FGF14: variants seen among roughly 807,000 people sequenced by gnomAD.
The protein encoded by FGF14 is fibroblast growth factor 14.
FGF14 carries 5 observed loss-of-function variants against 25.5 expected under a neutral mutation model. The ratio of observed to expected loss-of-function variants is 0.20; its 90% CI spans 0.10 to 0.41. The LOEUF is 0.41. FGF14 is among the 10% of genes least tolerant of loss of function. The probability of loss-of-function intolerance (pLI) is 1.00; values close to 1 mark genes in which losing one functional copy is unlikely to be tolerated. For synonymous variants in FGF14, 138 were observed against 118.3 expected, an observed-to-expected ratio of 1.17 and a Z score of -1.08; for missense variants, 222 against 320.1, an observed-to-expected ratio of 0.69 and a Z score of 2.34.
intron 1 of FGF14, among the ~76,000 whole-genome samples, chr13:102,037,235 T>A (rs2041520359): frequency 6.6e-6 from 1 of 152,148 alleles, no homozygotes; most frequent in Non-Finnish European, 1.5e-5. Flanking sequence ...TTAGTGGTTT[T>A]AATCTACAGA....
chr13:102,085,841 A>C (rs1188865197), intron 1 of FGF14, among the ~76,000 whole-genome samples: 1 of 152,196 alleles, frequency 6.6e-6, no homozygotes, highest in Non-Finnish European at 1.5e-5. Flanking sequence ...TCAAGCAAAA[A>C]TCACTCTACC....
chr13:101,820,626 A>T (rs983034189), intron 3 of FGF14, among the ~76,000 whole-genome samples: 2 of 88,824 alleles, frequency 2.3e-5, no homozygotes, highest in African/African-American at 6.1e-5. Context: ...ATGGCTATGC[A>T]AGGGGAATTG....
intron 1 of FGF14, among the ~76,000 whole-genome samples, chr13:102,052,512 G>A (rs9554836): frequency 0.36 from 53,196 of 146,284 alleles, 10,246 homozygotes; most frequent in East Asian, 0.72. Flanking sequence ...CAAAGACAGA[G>A]AGGATACTAA....
intron 1 of FGF14, among the ~76,000 whole-genome samples, chr13:102,245,890 T>C (rs566007454): frequency 1.3e-5 from 2 of 152,242 alleles, no homozygotes; most frequent in Admixed American, 6.5e-5. Flanking sequence ...TTTTAAAGTA[T>C]AGTAAGAAAA....
chr13:102,082,109 T>G (rs2043649143), intron 1 of FGF14, among the ~76,000 whole-genome samples: 1 of 152,064 alleles, frequency 6.6e-6, no homozygotes, highest in South Asian at 2.1e-4. Flanking sequence ...AAGAAATTCA[T>G]GATGCAATTT....
chr13:102,082,605 T>C (rs1329680065), intron 1 of FGF14, among the ~76,000 whole-genome samples: 1 of 152,168 alleles, frequency 6.6e-6, no homozygotes, highest in Non-Finnish European at 1.5e-5. Context: ...ACGCGTACAT[T>C]CCCATGCCTT....
rs74321708 is a variant in FGF14, at chr13:102,204,101, T to A, written c.208+197370A>T. 9.2e-3 allele frequency among the ~76,000 whole-genome samples: 1,398 copies of A among 152,270 alleles called. 19 individuals carry two copies. Among genetic ancestry groups the A allele is most frequent in the African/African-American group, 0.031 (1,295 of 41,542 alleles). Reference sequence around the variant, plus strand: ...GGAAACTGAATTCATGGCAACAATATCCAAAATTGTGATTTGACTCAGCTT... The same window carrying A: ...GGAAACTGAATTCATGGCAACAATAACCAAAATTGTGATTTGACTCAGCTT... On this transcript the variant is annotated intron_variant, in intron 1 of 4. Coordinates refer to the FGF14 transcript ENST00000376131.
chr13:102,161,678 A>C (rs528455182), intron 1 of FGF14, among the ~76,000 whole-genome samples: 1 of 54,926 alleles, frequency 1.8e-5, no homozygotes, highest in Non-Finnish European at 3.9e-5. Flanking sequence ...AAGAAGAAGA[A>C]GAAGAAGAAG....
chr13:101,878,130 C>A (rs950520754), intron 1 of FGF14, among the ~76,000 whole-genome samples: 2 of 152,162 alleles, frequency 1.3e-5, no homozygotes, highest in African/African-American at 4.8e-5. Context: ...CCTTATCCAT[C>A]CCCTGCAAGT....
chr13:101,753,591 G>A (rs1364274536), intron 3 of FGF14, among the ~76,000 whole-genome samples: 1 of 152,098 alleles, frequency 6.6e-6, no homozygotes, highest in East Asian at 1.9e-4. Context: ...CATCACCTGA[G>A]GTCAGGAATT....
At chr13:102,170,032 C>T (rs1022166900) in intron 1 of FGF14, among the ~76,000 whole-genome samples, 3 of 152,046 alleles carry the variant, frequency 2.0e-5, no homozygotes, top group Non-Finnish European at 4.4e-5. Context: ...GTGGCAGAAA[C>T]AGTGAGGAAG....
chr13:102,150,470 C>A (rs748632305), intron 1 of FGF14, among the ~76,000 whole-genome samples: 1 of 152,054 alleles, frequency 6.6e-6, no homozygotes, highest in Non-Finnish European at 1.5e-5. Context: ...CTTCATGTGC[C>A]CACCATTCTC....
rs748373221 is a variant in FGF14 at position 101,726,568 on chromosome 13, T to G, written c.607+44A>C. On this transcript the variant is annotated intron_variant, in intron 4 of 4. Coordinates refer to ENST00000376143, the MANE Select transcript of FGF14 (RefSeq NM_004115.4). The stretch of plus-strand genomic sequence containing the variant: ...AGACCTATCAATTTGAAAAATAAAA[T>G]ATGTAATAAGTCTATGTAATAATAA... 5 of 1,557,908 alleles carry G rather than the reference T, an allele frequency of 3.2e-6. No individual in the cohort carries two copies. In the Admixed American group the frequency reaches 8.4e-5, roughly 26 times the overall value.
intron 3 of FGF14, among the ~76,000 whole-genome samples, chr13:101,815,465 G>GCC (rs1566934818): frequency 6.6e-6 from 1 of 152,146 alleles, no homozygotes; most frequent in Admixed American, 6.5e-5. Context: ...TCATGAAGCT[G>GCC]CAGCTACCAG....
At chr13:101,838,412 A>G (rs1335593832) in intron 3 of FGF14, among the ~76,000 whole-genome samples, 1 of 152,012 alleles carries the variant, frequency 6.6e-6, no homozygotes. Context: ...CATCCTTGAC[A>G]AAGATTTTGC....
In FGF14 at chr13:101,916,653, C is replaced by A; in HGVS notation, c.-8G>T. 1 of 1,541,790 alleles carries A rather than the reference C, an allele frequency of 6.5e-7. No individual in the cohort carries two copies. ...AGCGATGGCCGCGGCCATGGTGGCC[C>A]CGGGAACGGGTCCGGGGAGGGAGGG... On this transcript the variant is annotated 5_prime_UTR_variant, in exon 1 of 5. Coordinates refer to ENST00000376143, the MANE Select transcript of FGF14 (RefSeq NM_004115.4).
intron 3 of FGF14, among the ~76,000 whole-genome samples, chr13:101,765,938 AG>A (rs2038361663): frequency 1.3e-5 from 2 of 152,042 alleles, no homozygotes; most frequent in South Asian, 4.2e-4. Flanking sequence ...CATGTTGGCC[AG>A]GCTGGTCTCA....
intron 3 of FGF14, among the ~76,000 whole-genome samples, chr13:101,854,618 T>C (rs2044028992): frequency 6.6e-6 from 1 of 152,092 alleles, no homozygotes; most frequent in Non-Finnish European, 1.5e-5. Flanking sequence ...GCATTTCAAA[T>C]GTCATCATCA....
intron 3 of FGF14, among the ~76,000 whole-genome samples, chr13:101,731,242 T>C (rs1171827013): frequency 6.6e-6 from 1 of 152,178 alleles, no homozygotes; most frequent in Non-Finnish European, 1.5e-5. Flanking sequence ...CTGGCAGTGA[T>C]AATATGAAAA....
Sources: gnomAD v4.1 joint callset for allele counts (sites outside exome capture counted in the v4.1 genomes callset) on GRCh38, gnomAD v4.1.1 for gene constraint, MANE v1.5 for transcripts, NCBI Gene and HGNC (gene_info 2026-07-23, HGNC 2026-07-21) for gene names.